SHISA6: variants seen among roughly 807,000 people sequenced by gnomAD.
The protein encoded by SHISA6 is protein shisa-6.
In SHISA6, 22 loss-of-function variants were observed where a neutral mutation model predicts 47.9. The observed-to-expected ratio is 0.46, with a 90% confidence interval of 0.33 to 0.66. The LOEUF (loss-of-function observed/expected upper bound fraction) is 0.66, where lower values mean the gene tolerates loss of function less well. Among genes scored for constraint, SHISA6 ranks in the 30% least tolerant of loss-of-function variants. The pLI is 0.02. For missense variants in SHISA6, 680 were observed against 764.6 expected (o/e 0.89, Z 1.30); for synonymous variants, 388 against 337.8 (o/e 1.15, Z -1.63).
At chr17:11,256,197 TAAAG>T (rs1222789797) in intron 1 of SHISA6, among the ~76,000 whole-genome samples, 4 of 152,012 alleles carry the variant, frequency 2.6e-5, no homozygotes, top group Non-Finnish European at 5.9e-5. Flanking sequence ...CCATTGCAAA[TAAAG>T]AAAATAACAC....
intron 3 of SHISA6, among the ~76,000 whole-genome samples, chr17:11,547,135 C>G (rs1326464871): frequency 6.6e-6 from 1 of 152,100 alleles, no homozygotes; most frequent in Non-Finnish European, 1.5e-5. Flanking sequence ...CACCCTCAGT[C>G]TTTGAGAGAT....
At chr17:11,381,644 A>G (rs1913013361) in intron 3 of SHISA6, among the ~76,000 whole-genome samples, 1 of 152,186 alleles carries the variant, frequency 6.6e-6, no homozygotes, top group African/African-American at 2.4e-5. Context: ...CATTTATCCA[A>G]TAGTGGACGT....
chr17:11,406,494 C>T (rs899398773), intron 3 of SHISA6, among the ~76,000 whole-genome samples: 11 of 152,206 alleles, frequency 7.2e-5, no homozygotes, highest in Admixed American at 2.0e-4. Flanking sequence ...ATCACCTTCC[C>T]AGGCACCACA....
At chr17:11,407,498 T>C (rs918132121) in intron 3 of SHISA6, among the ~76,000 whole-genome samples, 14 of 152,014 alleles carry the variant, frequency 9.2e-5, no homozygotes, top group Admixed American at 2.0e-4. Context: ...ATATTGTTTT[T>C]TTTTTCCTTT....
rs977045144 is a variant in SHISA6, at chr17:11,558,643, C to A, written c.*339C>A. ...CCTTCTCCCCATCCGGGGGACTCAG[C>A]TGCAGGTTCTGTCAGCAGAGAGACC... On this transcript the variant is annotated 3_prime_UTR_variant, in exon 6 of 6. Coordinates refer to ENST00000441885, the MANE Select transcript of SHISA6 (RefSeq NM_207386.4). 25 of 358,478 alleles carry A rather than the reference C, an allele frequency of 7.0e-5. No individual in the cohort carries two copies. Among genetic ancestry groups the A allele is most frequent in the African/African-American group, 3.3e-4 (16 of 48,848 alleles). 22.2% of individuals were successfully genotyped at this position (358,478 alleles called of 1,614,324 possible).
At chr17:11,415,440 G>T (rs1288931770) in intron 3 of SHISA6, among the ~76,000 whole-genome samples, 1 of 152,080 alleles carries the variant, frequency 6.6e-6, no homozygotes. Context: ...ACAATTTATG[G>T]TTCATAAGTA....
At chr17:11,376,751 C>G (rs772633925) in intron 2 of SHISA6, among the ~76,000 whole-genome samples, 1 of 152,174 alleles carries the variant, frequency 6.6e-6, no homozygotes, top group Non-Finnish European at 1.5e-5. Context: ...ACTGACCTAT[C>G]ACTGGTCCAA....
At chr17:11,474,646 T>C (rs1473892826) in intron 3 of SHISA6, among the ~76,000 whole-genome samples, 2 of 152,218 alleles carry the variant, frequency 1.3e-5, no homozygotes, top group Non-Finnish European at 2.9e-5. Flanking sequence ...ATCTCTATTT[T>C]GTGCCACTGA....
intron 2 of SHISA6, among the ~76,000 whole-genome samples, chr17:11,373,620 A>C (rs1026756210): frequency 6.6e-6 from 1 of 152,184 alleles, no homozygotes; most frequent in Non-Finnish European, 1.5e-5. Flanking sequence ...GTTATGTTGC[A>C]TATTTTAAAA....
In SHISA6 at chr17:11,535,885, A is replaced by ATG. The variant is rs10570271; in HGVS notation, c.896-15990_896-15989dup. Among the ~76,000 whole-genome samples the ATG allele has an allele frequency of 4.7e-3, 710 of 150,400 alleles. 5 individuals are homozygous for ATG. The highest frequency in any genetic ancestry group is 3.7e-3 in the Non-Finnish European group (248 of 67,572). ...AACAACAGTAGCTGATGGGAAAACA[A>ATG]TGTGTGTGTGTGTGTGTGTGTGGTG... On this transcript the variant is annotated intron_variant, in intron 3 of 5. Coordinates refer to ENST00000441885, the MANE Select transcript of SHISA6 (RefSeq NM_207386.4).
chr17:11,493,665 A>T (rs186282219), intron 3 of SHISA6, among the ~76,000 whole-genome samples: 1 of 152,196 alleles, frequency 6.6e-6, no homozygotes, highest in Non-Finnish European at 1.5e-5. Context: ...GCCAGGCCCA[A>T]GGGGTACCGT....
At chr17:11,550,629 A>G (rs2142386685) in intron 3 of SHISA6, among the ~76,000 whole-genome samples, 1 of 152,348 alleles carries the variant, frequency 6.6e-6, no homozygotes, top group East Asian at 1.9e-4. Context: ...ACGGAACAAC[A>G]GTACCATGGA....
At position 11,319,743 on chromosome 17, in the gene SHISA6, A is replaced by G. The variant is rs115066381; in HGVS notation, c.799+56217A>G. 4.2e-3 allele frequency among the ~76,000 whole-genome samples: 633 copies of G among 152,350 alleles called. 6 individuals carry two copies. The highest frequency in any genetic ancestry group is 0.014 in the African/African-American group (586 of 41,588). On this transcript the variant is annotated intron_variant, in intron 2 of 5. Coordinates refer to ENST00000441885, the MANE Select transcript of SHISA6 (RefSeq NM_207386.4). ...ATAAACACTGTTCAAAATGTATTCA[A>G]TTCCTTAAAGTGTTTAGCTAACATG...
At chr17:11,331,741 C>G (rs1911122980) in intron 2 of SHISA6, among the ~76,000 whole-genome samples, 1 of 103,982 alleles carries the variant, frequency 9.6e-6, no homozygotes, top group Non-Finnish European at 1.8e-5. Context: ...AGGGCTCTCT[C>G]AAACACACAC....
chr17:11,348,668 C>A, intron 2 of SHISA6, among the ~76,000 whole-genome samples: 1 of 151,820 alleles, frequency 6.6e-6, no homozygotes, highest in Non-Finnish European at 1.5e-5. Context: ...TTCTTTCTTT[C>A]TTCTTCCCTT....
intron 3 of SHISA6, among the ~76,000 whole-genome samples, chr17:11,501,784 C>T (rs1020040919): frequency 5.3e-5 from 8 of 152,084 alleles, no homozygotes; most frequent in Admixed American, 6.5e-5. Flanking sequence ...CGGTGACACA[C>T]TCCCCAGGGT....
intron 2 of SHISA6, among the ~76,000 whole-genome samples, chr17:11,361,186 G>A (rs1912270063): frequency 1.3e-5 from 2 of 150,684 alleles, no homozygotes; most frequent in Non-Finnish European, 3.0e-5. Context: ...TCTTCCCTAC[G>A]TTAGTTTTTT....
chr17:11,513,997 G>A (rs1001790706), intron 3 of SHISA6, among the ~76,000 whole-genome samples: 1 of 152,182 alleles, frequency 6.6e-6, no homozygotes, highest in Admixed American at 6.5e-5. Context: ...CAGGATGAGG[G>A]GAGTAGGTGA....
chr17:11,495,708 G>T (rs1249457664), intron 3 of SHISA6, among the ~76,000 whole-genome samples: 1 of 152,196 alleles, frequency 6.6e-6, no homozygotes, highest in Non-Finnish European at 1.5e-5. Context: ...GAAACAGGCC[G>T]GCCACCCTGC....
Sources: allele counts gnomAD v4.1 joint callset (sites outside exome capture counted in the v4.1 genomes callset), GRCh38; gene constraint gnomAD v4.1.1; transcripts MANE v1.5; gene names NCBI Gene and HGNC (gene_info 2026-07-23, HGNC 2026-07-21).